The following FILIP1 variants were observed in gnomAD, a reference collection of about 807,000 sequenced individuals.
FILIP1 encodes filamin A interacting protein 1.
In FILIP1, 61 loss-of-function variants were observed where a neutral mutation model predicts 102.1. The ratio of observed to expected loss-of-function variants is 0.60; its 90% CI spans 0.49 to 0.74. The LOEUF is 0.74. Among genes scored for constraint, FILIP1 ranks in the 30% least tolerant of loss-of-function variants. FILIP1 has a pLI of 0.00. For missense variants in FILIP1, 1,314 were observed against 1,441.2 expected, an observed-to-expected ratio of 0.91 and a Z score of 1.43; for synonymous variants, 491 against 526.9, an observed-to-expected ratio of 0.93 and a Z score of 0.93.
intron 2 of FILIP1, among the ~76,000 whole-genome samples, chr6:75,408,544 T>G (rs1001987643): frequency 6.6e-6 from 1 of 152,206 alleles, no homozygotes; most frequent in African/African-American, 2.4e-5. Context: ...ATAGATCACT[T>G]AACAGTTACC....
intron 4 of FILIP1, among the ~76,000 whole-genome samples, chr6:75,325,526 G>C (rs772584297): frequency 6.6e-6 from 1 of 152,088 alleles, no homozygotes; most frequent in Non-Finnish European, 1.5e-5. Flanking sequence ...GAATTTATAA[G>C]GAATTTAAAT....
intron 1 of FILIP1, among the ~76,000 whole-genome samples, chr6:75,425,948 C>A (rs764699428): frequency 6.6e-6 from 1 of 152,062 alleles, no homozygotes; most frequent in African/African-American, 2.4e-5. Flanking sequence ...GAGCATCTAG[C>A]ACAGGGGTTG....
At chr6:75,400,584 C>T (rs1423374440) in intron 2 of FILIP1, among the ~76,000 whole-genome samples, 3 of 152,064 alleles carry the variant, frequency 2.0e-5, no homozygotes. Context: ...TGTCTATATT[C>T]CCTAGAGGGT....
chr6:75,369,595 CA>C (rs1775449560), intron 2 of FILIP1, among the ~76,000 whole-genome samples: 1 of 150,074 alleles, frequency 6.7e-6, no homozygotes, highest in African/African-American at 2.5e-5. Context: ...GAAAAAAAAA[CA>C]TAATGAGTAG....
At chr6:75,427,989 T>A (rs892859147) in intron 1 of FILIP1, among the ~76,000 whole-genome samples, 13 of 151,744 alleles carry the variant, frequency 8.6e-5, no homozygotes, top group African/African-American at 3.2e-4. Flanking sequence ...AGAGGGTGGG[T>A]TGAAGGAAGA....
chr6:75,403,524 A>AAAAAAAAAAAAAAG (rs55907855), intron 2 of FILIP1, among the ~76,000 whole-genome samples: 12 of 134,722 alleles, frequency 8.9e-5, no homozygotes, highest in African/African-American at 2.3e-4. Context: ...CAAAAAAAAA[A>AAAAAAAAAAAAAAG]AAAAAAGAAA....
chr6:75,490,796 G>A (rs553897603), intron 1 of FILIP1, among the ~76,000 whole-genome samples: 2 of 152,134 alleles, frequency 1.3e-5, no homozygotes, highest in East Asian at 3.9e-4. Flanking sequence ...ATTTTTCTGT[G>A]CGTGGTAAAA....
intron 1 of FILIP1, among the ~76,000 whole-genome samples, chr6:75,480,009 T>G (rs912181814): frequency 6.6e-6 from 1 of 152,006 alleles, no homozygotes; most frequent in Non-Finnish European, 1.5e-5. Context: ...AAGTTTTCAT[T>G]CAGTTTTTAT....
At chr6:75,354,630 C>T (rs372714238) in intron 3 of FILIP1, among the ~76,000 whole-genome samples, 2 of 150,538 alleles carry the variant, frequency 1.3e-5, no homozygotes, top group Non-Finnish European at 2.9e-5. Flanking sequence ...GTTCGCTCAA[C>T]GTGATTTTAA....
At chr6:75,443,346 A>G (rs1778337208) in intron 1 of FILIP1, among the ~76,000 whole-genome samples, 1 of 152,218 alleles carries the variant, frequency 6.6e-6, no homozygotes, top group Non-Finnish European at 1.5e-5. Flanking sequence ...TTTTTAATAG[A>G]TTATCAAGGA....
At chr6:75,380,906 A>G (rs973063870) in intron 2 of FILIP1, among the ~76,000 whole-genome samples, 3 of 152,206 alleles carry the variant, frequency 2.0e-5, no homozygotes, top group Non-Finnish European at 4.4e-5. Flanking sequence ...TGGTAGAATT[A>G]TGGATGATTA....
chr6:75,440,972 G>A (rs1212200982), intron 1 of FILIP1, among the ~76,000 whole-genome samples: 2 of 149,208 alleles, frequency 1.3e-5, no homozygotes, highest in Admixed American at 6.7e-5. Flanking sequence ...AGGTATGACC[G>A]AAGAGTAAAA....
intron 2 of FILIP1, among the ~76,000 whole-genome samples, chr6:75,402,509 TA>T (rs1284017872): frequency 6.6e-6 from 1 of 152,114 alleles, no homozygotes; most frequent in Non-Finnish European, 1.5e-5. Flanking sequence ...GTCATCAATT[TA>T]AAAAGCCATA....
intron 1 of FILIP1, among the ~76,000 whole-genome samples, chr6:75,441,835 G>C (rs887985367): frequency 1.4e-5 from 2 of 148,052 alleles, no homozygotes; most frequent in Non-Finnish European, 3.0e-5. Flanking sequence ...CGGGCGGGGG[G>C]CTGGCCCCCC....
chr6:75,404,723 G>A (rs909455954), intron 2 of FILIP1, among the ~76,000 whole-genome samples: 4 of 152,062 alleles, frequency 2.6e-5, no homozygotes, highest in South Asian at 2.1e-4. Context: ...TCAACTGCCC[G>A]CCCCTCAGCT....
rs1248935742 is a variant in FILIP1, at chr6:75,314,956, G to A, written c.876C>T (p.Asp292=). The part of the protein sequence containing the change: ...LKAITSKSKE[D]RQKLLKLEVD... ...CTTCTAACTTGAGCAATTTCTGTCT[G>A]TCTTCTTTGGATTTGGAAGTAATGG... Residue 292 remains aspartate, a synonymous_variant, in exon 5 of 6, where the codon GAC becomes GAT. Transcript: ENST00000237172. 8.1e-6 allele frequency: 13 copies of A among 1,614,018 alleles called. No homozygotes were observed. The highest frequency in any genetic ancestry group is 1.3e-5 in the African/African-American group (1 of 74,942).
At chr6:75,492,876 T>C (rs1039030008) in intron 1 of FILIP1, among the ~76,000 whole-genome samples, 2 of 152,186 alleles carry the variant, frequency 1.3e-5, no homozygotes, top group East Asian at 3.8e-4. Context: ...GACTCTAGTG[T>C]AACGAGGTCA....
chr6:75,430,218 G>A (rs1235419144), intron 1 of FILIP1, among the ~76,000 whole-genome samples: 1 of 152,130 alleles, frequency 6.6e-6, no homozygotes, highest in Non-Finnish European at 1.5e-5. Context: ...TGCCATGATT[G>A]TAAGTTTCCT....
chr6:75,442,042 C>A (rs945906539), intron 1 of FILIP1, among the ~76,000 whole-genome samples: 27 of 147,118 alleles, frequency 1.8e-4, no homozygotes, highest in East Asian at 8.5e-4. Context: ...TGGGACGGGG[C>A]GGCTGCCGGG....
Sources: allele counts gnomAD v4.1 joint callset (sites outside exome capture counted in the v4.1 genomes callset), GRCh38; gene constraint gnomAD v4.1.1; transcripts MANE v1.5; gene names NCBI Gene and HGNC (gene_info 2026-07-23, HGNC 2026-07-21).